The following PPP1R7 variants were observed in gnomAD, a reference collection of about 807,000 sequenced individuals.
PPP1R7 encodes the protein protein phosphatase 1 regulatory subunit 22.
A neutral mutation model predicts 45.2 loss-of-function variants in PPP1R7; 18 were observed. The observed-to-expected ratio is 0.40, with a 90% CI of 0.28 to 0.59. The LOEUF (loss-of-function observed/expected upper bound fraction) is 0.59. Among genes scored for constraint, PPP1R7 ranks in the 20% least tolerant of loss-of-function variants. The pLI, the probability that PPP1R7 is intolerant of heterozygous loss-of-function variation, is 0.46. For missense variants in PPP1R7, 314 were observed against 455.8 expected, an observed-to-expected ratio of 0.69 and a Z score of 2.83; for synonymous variants, 181 against 183.4, an observed-to-expected ratio of 0.99 and a Z score of 0.11.
intron 9 of PPP1R7, among the ~76,000 whole-genome samples, chr2:241,179,951 T>C (rs957831171): frequency 9.2e-5 from 14 of 152,214 alleles, no homozygotes; most frequent in Non-Finnish European, 1.6e-4. Flanking sequence ...TGCTCTGAGA[T>C]TGGCAGTGCT....
chr2:241,182,735 C>T lies in PPP1R7; in HGVS notation c.995C>T (p.Pro332Leu). The T allele has an allele frequency of 1.2e-6, 2 of 1,614,206 alleles. No homozygotes were observed. Among genetic ancestry groups the T allele is most frequent in the South Asian group, 1.1e-5 (1 of 91,088 alleles). ...SLETVYLERNPLQKDPQYRRK... is the reference protein window; with the variant it reads ...SLETVYLERNLLQKDPQYRRK... ...GAGACAGTGTACCTGGAGCGGAACC[C>T]CTTGCAGAAGGACCCCCAGTACCGG... Residue 332 changes from proline (P) to leucine (L), a missense_variant, in exon 10 of 10, where the codon CCC becomes CTC. Pro to Leu is a moderately conservative substitution (Grantham distance 98). This residue lies in a region of PPP1R7 where 168 missense variants were observed against 285.3 expected (regional missense o/e 0.59). Transcript: ENST00000234038.
chr2:241,160,240 G>A (rs548955196), intron 5 of PPP1R7, 92 bp from the exon 6 acceptor site: 80 of 1,034,396 alleles, frequency 7.7e-5, no homozygotes, highest in Admixed American at 7.2e-4. Context: ...GCCGTCCCCT[G>A]ATGGGGACGC....
At position 241,166,460 on chromosome 2, in the gene PPP1R7, G is replaced by T; in HGVS notation, c.819+19G>T. 1 of 1,609,230 alleles carries T rather than the reference G, an allele frequency of 6.2e-7. No homozygotes were observed. Among genetic ancestry groups the T allele is most frequent in the Non-Finnish European group, 8.5e-7 (1 of 1,176,562 alleles). ...GAACAATGTAAGACACCCACTGTCT[G>T]TCTGGGGCTGTGTGGGCGGTGGGCA... is the stretch of plus-strand genomic sequence containing the variant. On this transcript the variant is annotated intron_variant, in intron 8 of 9. Transcript: ENST00000234038.
intron 4 of PPP1R7, 97 bp downstream of exon 4, chr2:241,158,646 C>G: frequency 7.8e-7 from 1 of 1,279,838 alleles, no homozygotes. Context: ...GTCCTTGTCC[C>G]AGCCTGTGGG....
rs560564918 is a variant in PPP1R7, at chr2:241,160,570, T to C, written c.597+76T>C. 1.1e-5 allele frequency: 14 copies of C among 1,266,666 alleles called. No individual in the cohort carries two copies. The Admixed American group carries it at 3.8e-4, about 34-fold the overall frequency. 78.5% of individuals were successfully genotyped at this position (1,266,666 alleles called of 1,614,324 possible). ...GCTGTGTGTGGACTCAGTGGGTGTA[T>C]GTAGAATGCATGGTGAGTCTGCATT... On this transcript the variant is annotated intron_variant, in intron 6 of 9. Coordinates refer to ENST00000234038, the MANE Select transcript of PPP1R7 (RefSeq NM_002712.3).
chr2:241,152,784 A>G (rs1043847172), intron 1 of PPP1R7, among the ~76,000 whole-genome samples: 8 of 152,174 alleles, frequency 5.3e-5, no homozygotes, highest in African/African-American at 9.7e-5. Context: ...TGATTTGACA[A>G]CCTTACCAAA....
chr2:241,180,879 T>C (rs887710610), intron 9 of PPP1R7, among the ~76,000 whole-genome samples: 41 of 152,072 alleles, frequency 2.7e-4, no homozygotes, highest in African/African-American at 9.2e-4. Flanking sequence ...TGGTACGCAC[T>C]AGTCCCACAA....
At chr2:241,159,708 CA>C (rs1453261942) in intron 5 of PPP1R7, among the ~76,000 whole-genome samples, 1 of 151,258 alleles carries the variant, frequency 6.6e-6, no homozygotes, top group Non-Finnish European at 1.5e-5. Context: ...TTTTTAATTA[CA>C]AAAAAAAGTG....
At chr2:241,180,373 C>T (rs144934609) in intron 9 of PPP1R7, among the ~76,000 whole-genome samples, 68 of 117,418 alleles carry the variant, frequency 5.8e-4, no homozygotes, top group African/African-American at 2.3e-3. Flanking sequence ...AATACTCTAA[C>T]GATCGCTGGT....
At position 241,183,034 on chromosome 2, in the gene PPP1R7, G is replaced by A; in HGVS notation, c.*211G>A. 1.7e-6 allele frequency: 1 copy of A among 594,170 alleles called. No homozygotes were observed. Among genetic ancestry groups the A allele is most frequent in the Middle Eastern group, 4.5e-4 (1 of 2,218 alleles). The allele number at this position is 594,170 out of a possible 1,614,324, so 36.8% of individuals were successfully genotyped here. On this transcript the variant is annotated 3_prime_UTR_variant, in exon 10 of 10. Transcript: ENST00000234038. ...ATCTTGCCACACTGTCCTCCTGGGT[G>A]ATTGTTGACAGTTATTGTAGCCACA...
upstream of PPP1R7, chr2:241,150,446 G>A: frequency 6.9e-7 from 1 of 1,447,148 alleles, no homozygotes; most frequent in Non-Finnish European, 9.2e-7. Context: ...AGCCCTGATT[G>A]GCTGAGGGGT....
intron 4 of PPP1R7, 175 bp from the exon 5 acceptor site, chr2:241,159,036 AGC>A: frequency 1.4e-6 from 1 of 718,002 alleles, no homozygotes; most frequent in Non-Finnish European, 2.3e-6. Flanking sequence ...AAGGAATTAT[AGC>A]TTAGTGCCCT....
At chr2:241,152,406 G>A (rs995019258) in intron 1 of PPP1R7, among the ~76,000 whole-genome samples, 3 of 152,214 alleles carry the variant, frequency 2.0e-5, no homozygotes, top group Non-Finnish European at 2.9e-5. Flanking sequence ...GTTAAGCAGG[G>A]CAAGACAAGT....
intron 5 of PPP1R7, 89 bp from the exon 6 acceptor site, chr2:241,160,243 G>T: frequency 2.1e-5 from 20 of 950,280 alleles, no homozygotes; most frequent in Non-Finnish European, 2.0e-5. Flanking sequence ...GTCCCCTGAT[G>T]GGGACGCCAC....
chr2:241,182,684 AC>A lies in PPP1R7; in HGVS notation c.945del (p.Asp315GlufsTer3). The A allele has an allele frequency of 6.2e-7, 1 of 1,614,146 alleles. No homozygotes were observed. Among genetic ancestry groups the A allele is most frequent in the African/African-American group, 1.3e-5 (1 of 75,014 alleles). ...CTCCTTGAGAGCTGGAGCGACCTCG[AC>A]GAGCTGAAGGGAGCCAGGAGCCTGG... ...DNLLESWSDLDELKGARSLET... is the reference protein window; with the variant it reads ...DNLLESWSDLXELKGARSLET... On this transcript the variant is annotated frameshift_variant, in exon 10 of 10. Transcript: ENST00000234038. LOFTEE classifies it high-confidence loss of function.
chr2:241,176,952 T>C (rs2008002), intron 9 of PPP1R7, among the ~76,000 whole-genome samples: 150,057 of 152,290 alleles, frequency 0.99, 73,934 homozygotes, highest in Middle Eastern at 1. Context: ...CACATGCAGC[T>C]GGGCACGGTG....
chr2:241,174,210 T>C (rs566309434), intron 9 of PPP1R7, among the ~76,000 whole-genome samples: 1 of 152,246 alleles, frequency 6.6e-6, no homozygotes, highest in Non-Finnish European at 1.5e-5. Context: ...GTGGCCCTCC[T>C]AGGATCTCTG....
intron 9 of PPP1R7, among the ~76,000 whole-genome samples, chr2:241,181,211 T>C: frequency 6.6e-6 from 1 of 151,474 alleles, no homozygotes; most frequent in East Asian, 1.9e-4. Flanking sequence ...AAAAAGAAAA[T>C]AGGGTTCCTC....
At chr2:241,166,909 C>A in intron 8 of PPP1R7, 1 of 733,658 alleles carries the variant, frequency 1.4e-6, no homozygotes, top group Non-Finnish European at 2.3e-6. Context: ...GAGCACAGGA[C>A]CAGCTCTCAG....
Sources: allele counts gnomAD v4.1 joint callset (sites outside exome capture counted in the v4.1 genomes callset), GRCh38; gene constraint gnomAD v4.1.1; regional missense constraint gnomAD v4.1.1; transcripts MANE v1.5; gene names NCBI Gene and HGNC (gene_info 2026-07-23, HGNC 2026-07-21).